The following FAM228B variants were observed in gnomAD, a reference collection of about 807,000 sequenced individuals.
FAM228B encodes the protein protein FAM228B.
In FAM228B, 38 loss-of-function variants were observed where a neutral mutation model predicts 42.6. The ratio of observed to expected loss-of-function variants is 0.89; its 90% CI spans 0.69 to 1.17. The LOEUF (loss-of-function observed/expected upper bound fraction) is 1.17, where lower values mean the gene tolerates loss of function less well. Among genes scored for constraint, FAM228B ranks in the 50% most tolerant of loss-of-function variants. The pLI is 0.00. For synonymous variants in FAM228B, 109 were observed against 122.3 expected, an observed-to-expected ratio of 0.89 and a Z score of 0.72; for missense variants, 344 against 367.3, an observed-to-expected ratio of 0.94 and a Z score of 0.52.
chr2:24,126,965 AT>A (rs572814924), intron 2 of FAM228B, among the ~76,000 whole-genome samples: 37 of 151,372 alleles, frequency 2.4e-4, no homozygotes, highest in South Asian at 1.0e-3. Flanking sequence ...AGTGTTTTTT[AT>A]TTTTTTTTAA....
At position 24,081,344 on chromosome 2, in the gene FAM228B, C is replaced by T. The variant is rs1664992794; in HGVS notation, c.-210+389C>T. Among the ~76,000 whole-genome samples the T allele has an allele frequency of 1.3e-5, 2 of 152,212 alleles. 1 individual carries two copies. The highest frequency in any genetic ancestry group is 4.1e-4 in the South Asian group (2 of 4,822). On this transcript the variant is annotated intron_variant, in intron 2 of 10. Coordinates refer to the FAM228B transcript ENST00000613899. ...AGCCACATCCATAATCTCTATTTTA[C>T]CTATAACACCAAAATGCACATCTCT...
At position 24,138,079 on chromosome 2, in the gene FAM228B, T is replaced by A. The variant is rs1234976863; in HGVS notation, c.339T>A (p.Phe113Leu). ...KKRRQGELDGFLKHVNKKGNA... is the reference protein window; with the variant it reads ...KKRRQGELDGLLKHVNKKGNA... ...GGAGGCAAGGGGAATTAGATGGCTT[T>A]TTAAAACATGTAAATAAAAAGGTAC... The change falls in exon 4 of 11, where the codon TTT becomes TTA. Residue 113 changes from phenylalanine (F) to leucine (L), a missense_variant. By Grantham distance (22) the Phe-to-Leu change is conservative (BLOSUM62 0). Coordinates refer to ENST00000615575, the MANE Select transcript of FAM228B (RefSeq NM_001145710.2). The A allele has an allele frequency of 2.6e-6, 4 of 1,533,080 alleles. No homozygotes were observed. Among genetic ancestry groups the A allele is most frequent in the Non-Finnish European group, 3.5e-6 (4 of 1,142,670 alleles). The allele number at this position is 1,533,080 out of a possible 1,614,324, so 95.0% of individuals were successfully genotyped here.
rs1165507063 is a variant in FAM228B, at chr2:24,084,321, T to A, written c.-210+3366T>A. On this transcript the variant is annotated intron_variant, in intron 2 of 10. Transcript: ENST00000613899. The surrounding 1 kb of genome is among the most constrained non-coding windows in gnomAD (Gnocchi z 8.4). ...CTCCCGGCTTGTCAAAGTGCACGGC[T>A]AACATATTGTCTGAGGACACAGGGC... 6.2e-7 allele frequency: 1 copy of A among 1,613,482 alleles called. No individual in the cohort carries two copies. Among genetic ancestry groups the A allele is most frequent in the Non-Finnish European group, 8.5e-7 (1 of 1,179,956 alleles).
chr2:24,089,770 C>T (rs960256564), intron 2 of FAM228B, among the ~76,000 whole-genome samples: 1 of 152,074 alleles, frequency 6.6e-6, no homozygotes, highest in African/African-American at 2.4e-5. Context: ...ATTTTTGCAG[C>T]AAAGGCTTGT....
intron 2 of FAM228B, among the ~76,000 whole-genome samples, chr2:24,131,783 A>G (rs1010503002): frequency 5.9e-5 from 9 of 152,198 alleles, no homozygotes; most frequent in African/African-American, 2.2e-4. Context: ...AAACAGAGAC[A>G]ATTTGACTTC....
chr2:24,099,395 CCTT>C (rs1263081271), intron 3 of FAM228B, among the ~76,000 whole-genome samples: 2 of 152,186 alleles, frequency 1.3e-5, no homozygotes, highest in Non-Finnish European at 2.9e-5. Context: ...CCCAAAATCT[CCTT>C]AAGCTGATAA....
intron 3 of FAM228B, among the ~76,000 whole-genome samples, chr2:24,101,581 A>T (rs1665605042): frequency 6.6e-6 from 1 of 152,152 alleles, no homozygotes; most frequent in South Asian, 2.1e-4. Context: ...GGTAGGGCTG[A>T]ATTTTTCCCA....
chr2:24,087,961 G>A (rs888533355), intron 2 of FAM228B, among the ~76,000 whole-genome samples: 9 of 151,724 alleles, frequency 5.9e-5, no homozygotes, highest in South Asian at 2.1e-4. Context: ...CAGGCTGGTC[G>A]CAAACTCCTG....
chr2:24,079,562 C>G, intron 1 of FAM228B: 1 of 1,614,162 alleles, frequency 6.2e-7, no homozygotes, highest in South Asian at 1.1e-5. Flanking sequence ...AACCCATCGA[C>G]CATCAAGAGC....
At chr2:24,103,785 C>T (rs546896050) in intron 3 of FAM228B, among the ~76,000 whole-genome samples, 2 of 152,268 alleles carry the variant, frequency 1.3e-5, no homozygotes, top group Admixed American at 1.3e-4. Flanking sequence ...ATGTGGAGCG[C>T]GGGTCTACAG....
chr2:24,103,778 T>C (rs1665651319), intron 3 of FAM228B, among the ~76,000 whole-genome samples: 1 of 152,214 alleles, frequency 6.6e-6, no homozygotes, highest in Non-Finnish European at 1.5e-5. Context: ...TGTCGGTATG[T>C]GGAGCGCGGG....
intron 7 of FAM228B, among the ~76,000 whole-genome samples, chr2:24,154,437 T>C (rs1667087963): frequency 6.6e-6 from 1 of 152,272 alleles, no homozygotes; most frequent in African/African-American, 2.4e-5. Flanking sequence ...TTGTTGAGTG[T>C]TAAGAATCCT....
intron 2 of FAM228B, among the ~76,000 whole-genome samples, chr2:24,093,911 C>A (rs2150992929): frequency 6.6e-6 from 1 of 152,044 alleles, no homozygotes; most frequent in South Asian, 2.1e-4. Context: ...GCCACCGCTC[C>A]TGGCTGCATG....
intron 5 of FAM228B, among the ~76,000 whole-genome samples, chr2:24,140,164 AG>A (rs957092668): frequency 6.6e-6 from 1 of 152,124 alleles, no homozygotes; most frequent in Non-Finnish European, 1.5e-5. Context: ...AGCAGAGCAC[AG>A]ATGTGGTGTT....
At position 24,134,346 on chromosome 2, in the gene FAM228B, T is replaced by C. The variant is rs540673094; in HGVS notation, c.100-773T>C. ...TATTGTTCACTAGTGACATTTCTTC[T>C]ATGTATAGAGTTTGCCTTAGGTGGC... On this transcript the variant is annotated intron_variant, in intron 2 of 10. Coordinates refer to ENST00000615575, the MANE Select transcript of FAM228B (RefSeq NM_001145710.2). 1.3e-3 allele frequency among the ~76,000 whole-genome samples: 205 copies of C among 152,360 alleles called. 1 individual carries two copies. Among genetic ancestry groups the C allele is most frequent in the African/African-American group, 4.8e-3 (201 of 41,598 alleles).
intron 2 of FAM228B, 34 bp downstream of exon 2, chr2:24,124,494 T>A (rs1345766244): frequency 1.4e-6 from 2 of 1,399,062 alleles, no homozygotes; most frequent in Non-Finnish European, 1.9e-6. Flanking sequence ...TTGGAGATTT[T>A]TTTACTTGGA....
At chr2:24,139,497 G>A in intron 5 of FAM228B, 47 bp downstream of exon 5, 1 of 1,162,638 alleles carries the variant, frequency 8.6e-7, no homozygotes, top group Non-Finnish European at 1.3e-6. Context: ...GTGTTTGGTT[G>A]TTTTGAGCAG....
upstream of FAM228B, chr2:24,122,435 G>A (rs747162835): frequency 1.2e-6 from 2 of 1,612,460 alleles, no homozygotes; most frequent in Non-Finnish European, 1.7e-6. Flanking sequence ...ACCTGGTGAT[G>A]CTACACACAA....
upstream of FAM228B, chr2:24,121,241 G>T (rs781053006): frequency 2.2e-5 from 35 of 1,614,070 alleles, no homozygotes; most frequent in East Asian, 7.8e-4. Flanking sequence ...CTTCTCTTCG[G>T]GCTTGCAAAG....
Sources: gnomAD v4.1 joint callset for allele counts (sites outside exome capture counted in the v4.1 genomes callset) on GRCh38, gnomAD v4.1.1 for gene constraint, Gnocchi (gnomAD v3.1) non-coding constraint, MANE v1.5 for transcripts, NCBI Gene and HGNC (gene_info 2026-07-23, HGNC 2026-07-21) for gene names.